Variants in LINC00305 observed in about 807,000 individuals in gnomAD.
LINC00305 encodes long intergenic non-protein coding RNA 305.
chr18:64,145,696 A>G (rs1309094602), intron 1 of LINC00305, among the ~76,000 whole-genome samples: 2 of 152,182 alleles, frequency 1.3e-5, no homozygotes, highest in African/African-American at 4.8e-5. Context: ...GATTACAGGC[A>G]TGAGCCACCG....
intron 1 of LINC00305, among the ~76,000 whole-genome samples, chr18:64,102,368 T>C (rs1404673017): frequency 1.3e-5 from 2 of 152,162 alleles, no homozygotes; most frequent in Admixed American, 1.3e-4. Context: ...CATAGCAACT[T>C]TTTGGATTCA....
At chr18:64,117,947 T>C (rs961067077) in intron 1 of LINC00305, among the ~76,000 whole-genome samples, 1 of 152,312 alleles carries the variant, frequency 6.6e-6, no homozygotes, top group Admixed American at 6.5e-5. Context: ...AGCAACTTCG[T>C]TTCCCTAAGC....
chr18:64,132,063 A>G (rs1259620993), intron 1 of LINC00305, among the ~76,000 whole-genome samples: 4 of 152,260 alleles, frequency 2.6e-5, no homozygotes, highest in Non-Finnish European at 4.4e-5. Flanking sequence ...TTATAATAAA[A>G]GAATAATGCC....
chr18:64,129,076 T>C (rs1337029830), intron 1 of LINC00305, among the ~76,000 whole-genome samples: 1 of 152,186 alleles, frequency 6.6e-6, no homozygotes, highest in Non-Finnish European at 1.5e-5. Context: ...ATTCATGCGA[T>C]ACATTTTTAA....
At chr18:64,089,446 G>A (rs887813690) in intron 3 of LINC00305, among the ~76,000 whole-genome samples, 3 of 152,142 alleles carry the variant, frequency 2.0e-5, no homozygotes, top group African/African-American at 7.2e-5. Flanking sequence ...TGTGAAAATG[G>A]ACTAATACAG....
intron 1 of LINC00305, among the ~76,000 whole-genome samples, chr18:64,129,036 T>C (rs2051397939): frequency 6.6e-6 from 1 of 152,190 alleles, no homozygotes. Context: ...AGATATTGTC[T>C]ATTATGAGTC....
chr18:64,143,235 A>G (rs780570500), intron 1 of LINC00305, among the ~76,000 whole-genome samples: 3 of 152,134 alleles, frequency 2.0e-5, no homozygotes, highest in East Asian at 1.9e-4. Context: ...TCTAATTATG[A>G]TTCCCTCCAT....
intron 1 of LINC00305, among the ~76,000 whole-genome samples, chr18:64,102,497 A>G (rs1568107329): frequency 6.6e-6 from 1 of 152,328 alleles, no homozygotes; most frequent in Middle Eastern, 3.4e-3. Flanking sequence ...TTTTAAATAA[A>G]GAACTGAAGA....
At chr18:64,146,101 TTTAAG>T (rs1374658675) in intron 1 of LINC00305, among the ~76,000 whole-genome samples, 1 of 152,170 alleles carries the variant, frequency 6.6e-6, no homozygotes, top group East Asian at 1.9e-4. Context: ...ATCTTTTTAT[TTTAAG>T]TTAATTTCAA....
intron 1 of LINC00305, among the ~76,000 whole-genome samples, chr18:64,107,357 C>A (rs540974152): frequency 6.6e-6 from 1 of 152,282 alleles, no homozygotes; most frequent in South Asian, 2.1e-4. Flanking sequence ...AGGGGGAGGA[C>A]TGTGACCTAT....
chr18:64,103,138 C>T (rs527768064), intron 1 of LINC00305, among the ~76,000 whole-genome samples: 170 of 152,290 alleles, frequency 1.1e-3, no homozygotes, highest in Middle Eastern at 3.4e-3. Context: ...CTTCCTGAAT[C>T]AGAAGATATA....
chr18:64,143,215 C>G (rs1358509935), intron 1 of LINC00305, among the ~76,000 whole-genome samples: 1 of 152,048 alleles, frequency 6.6e-6, no homozygotes, highest in Non-Finnish European at 1.5e-5. Flanking sequence ...ATCTACTTGT[C>G]CTTATTTTGT....
intron 3 of LINC00305, among the ~76,000 whole-genome samples, chr18:64,082,866 T>C (rs966064014): frequency 2.6e-5 from 4 of 152,202 alleles, no homozygotes; most frequent in Non-Finnish European, 5.9e-5. Context: ...TCTCTTTTCT[T>C]TCATTTTAAT....
chr18:64,081,660 G>T (rs1001177870), intron 3 of LINC00305, among the ~76,000 whole-genome samples: 2 of 152,186 alleles, frequency 1.3e-5, no homozygotes, highest in Non-Finnish European at 2.9e-5. Context: ...TGGGTTAAAA[G>T]AATTTGAGTA....
At chr18:64,146,579 C>T (rs998402255) in intron 1 of LINC00305, among the ~76,000 whole-genome samples, 4 of 152,198 alleles carry the variant, frequency 2.6e-5, no homozygotes, top group Admixed American at 1.3e-4. Flanking sequence ...GCATACATCA[C>T]AGAACACCTG....
At chr18:64,143,782 GTACACATATTA>G (rs2051482790) in intron 1 of LINC00305, among the ~76,000 whole-genome samples, 1 of 98,682 alleles carries the variant, frequency 1.0e-5, no homozygotes, top group South Asian at 3.8e-4. Flanking sequence ...GTACATGTAT[GTACACATATTA>G]TGCGTACATG....
At chr18:64,139,012 A>G (rs530811041) in intron 1 of LINC00305, among the ~76,000 whole-genome samples, 1 of 152,336 alleles carries the variant, frequency 6.6e-6, no homozygotes, top group South Asian at 2.1e-4. Flanking sequence ...CAGAACCGCC[A>G]CAGGCAACTC....
intron 1 of LINC00305, among the ~76,000 whole-genome samples, chr18:64,104,456 A>T (rs938220017): frequency 2.6e-5 from 4 of 152,212 alleles, no homozygotes; most frequent in African/African-American, 9.6e-5. Flanking sequence ...TAGAAAGAAG[A>T]TTCCTCCTCC....
At chr18:64,125,123 T>C (rs1171673045) in intron 1 of LINC00305, among the ~76,000 whole-genome samples, 2 of 152,152 alleles carry the variant, frequency 1.3e-5, no homozygotes, top group African/African-American at 2.4e-5. Flanking sequence ...CCTTGAAATC[T>C]TGCTAAGACA....
Sources: allele counts gnomAD v4.1 joint callset (sites outside exome capture counted in the v4.1 genomes callset), GRCh38; gene constraint gnomAD v4.1.1; transcripts MANE v1.5; gene names NCBI Gene and HGNC (gene_info 2026-07-23, HGNC 2026-07-21).